The following GRID2 variants were observed in gnomAD, a reference collection of about 807,000 sequenced individuals.
GRID2 encodes the protein glutamate ionotropic receptor delta type subunit 2, also known as glutamate receptor ionotropic, delta-2.
A neutral mutation model predicts 114.8 loss-of-function variants in GRID2; 33 were observed. The observed-to-expected ratio is 0.29, with a 90% CI of 0.22 to 0.38. The LOEUF (loss-of-function observed/expected upper bound fraction) is 0.38. Among genes scored for constraint, GRID2 ranks in the 10% least tolerant of loss-of-function variants. The pLI, the probability that GRID2 is intolerant of heterozygous loss-of-function variation, is 1.00. For synonymous variants in GRID2, 505 were observed against 449.9 expected (o/e 1.12, Z -1.55); for missense variants, 1,184 against 1,257.7 (o/e 0.94, Z 0.89).
In GRID2 at chr4:93,526,019, G is replaced by T. The variant is rs529920320; in HGVS notation, c.2193+10608G>T. ...CATATATATTTTTTAAAAATTTTCT[G>T]TTGGGTAAATACCAAAAATTAAAAA... On this transcript the variant is annotated intron_variant, in intron 13 of 15. Coordinates refer to ENST00000282020, the MANE Select transcript of GRID2 (RefSeq NM_001510.4). 2.0e-4 allele frequency among the ~76,000 whole-genome samples: 31 copies of T among 152,220 alleles called. No homozygotes were observed. In the South Asian group the frequency reaches 6.4e-3, roughly 32 times the overall value.
At chr4:92,306,523 A>G (rs1349267114) in intron 1 of GRID2, among the ~76,000 whole-genome samples, 1 of 152,172 alleles carries the variant, frequency 6.6e-6, no homozygotes, top group Non-Finnish European at 1.5e-5. Context: ...TAATACCTTT[A>G]TATTCATTGT....
chr4:93,372,986 T>C (rs1370686318), intron 8 of GRID2, among the ~76,000 whole-genome samples: 1 of 152,148 alleles, frequency 6.6e-6, no homozygotes, highest in East Asian at 1.9e-4. Flanking sequence ...CAGTGAACCA[T>C]CATGTTCCTT....
At chr4:92,967,510 A>T (rs1231666710) in intron 2 of GRID2, among the ~76,000 whole-genome samples, 1 of 147,340 alleles carries the variant, frequency 6.8e-6, no homozygotes. Flanking sequence ...TTAAAAAAAT[A>T]TTTTTTACCA....
chr4:92,460,055 C>CATATGTATATAT (rs1343434703), intron 1 of GRID2, among the ~76,000 whole-genome samples: 1 of 37,450 alleles, frequency 2.7e-5, no homozygotes, highest in African/African-American at 8.7e-5. Flanking sequence ...TATATATATA[C>CATATGTATATAT]ACACACAACT....
At chr4:92,509,639 A>T (rs1724140806) in intron 1 of GRID2, among the ~76,000 whole-genome samples, 1 of 151,970 alleles carries the variant, frequency 6.6e-6, no homozygotes, top group African/African-American at 2.4e-5. Flanking sequence ...GAAAAAGGAC[A>T]TTGAGGTAGA....
At chr4:93,038,864 TTGG>T (rs747173941) in intron 2 of GRID2, among the ~76,000 whole-genome samples, 3 of 151,976 alleles carry the variant, frequency 2.0e-5, no homozygotes, top group Non-Finnish European at 4.4e-5. Flanking sequence ...TTTCACACTC[TTGG>T]TGGGAGTGTA....
At chr4:93,486,197 G>A (rs1212008102) in intron 11 of GRID2, among the ~76,000 whole-genome samples, 2 of 151,466 alleles carry the variant, frequency 1.3e-5, no homozygotes, top group Non-Finnish European at 3.0e-5. Context: ...TTTGAACACT[G>A]ATTCTGTAAC....
chr4:93,594,351 C>A (rs555986318), intron 13 of GRID2, among the ~76,000 whole-genome samples: 3,058 of 152,234 alleles, frequency 0.02, 94 homozygotes, highest in African/African-American at 0.069. Context: ...AGGGTGCCTC[C>A]CAGTTAGGCT....
intron 7 of GRID2, among the ~76,000 whole-genome samples, chr4:93,227,249 AT>A (rs901333225): frequency 2.2e-4 from 33 of 151,354 alleles, no homozygotes; most frequent in African/African-American, 7.1e-4. Flanking sequence ...TATATATATA[AT>A]TTTTTTTGAC....
intron 8 of GRID2, among the ~76,000 whole-genome samples, chr4:93,250,083 T>G (rs184404593): frequency 1.3e-5 from 2 of 152,230 alleles, no homozygotes; most frequent in East Asian, 3.9e-4. Flanking sequence ...TAGCAAAGAT[T>G]TGGAACTAGC....
chr4:92,424,228 T>C (rs1732042993), intron 1 of GRID2, among the ~76,000 whole-genome samples: 1 of 152,082 alleles, frequency 6.6e-6, no homozygotes, highest in Admixed American at 6.6e-5. Flanking sequence ...AACTAGGAGT[T>C]TGATAATTAT....
intron 1 of GRID2, among the ~76,000 whole-genome samples, chr4:93,804,100 C>T (rs781315475): frequency 1.3e-5 from 2 of 152,116 alleles, no homozygotes; most frequent in African/African-American, 4.8e-5. Flanking sequence ...TGTCATCTAC[C>T]ATGATGCCCC....
At chr4:92,866,821 G>A (rs1008050419) in intron 2 of GRID2, among the ~76,000 whole-genome samples, 1 of 152,088 alleles carries the variant, frequency 6.6e-6, no homozygotes, top group Non-Finnish European at 1.5e-5. Context: ...CAAGTGCGGG[G>A]ATTGTAGGCG....
At chr4:92,721,184 CAG>C (rs1735793029) in intron 2 of GRID2, among the ~76,000 whole-genome samples, 1 of 151,942 alleles carries the variant, frequency 6.6e-6, no homozygotes, top group African/African-American at 2.4e-5. Flanking sequence ...GTTCAATGGA[CAG>C]AGAATTTCAG....
chr4:93,289,588 G>A (rs889893963), intron 8 of GRID2, among the ~76,000 whole-genome samples: 1 of 152,126 alleles, frequency 6.6e-6, no homozygotes, highest in African/African-American at 2.4e-5. Context: ...AATAAAAATG[G>A]CTTTGTTTCT....
intron 2 of GRID2, among the ~76,000 whole-genome samples, chr4:92,923,798 G>A (rs527867651): frequency 9.9e-5 from 15 of 152,248 alleles, no homozygotes; most frequent in Non-Finnish European, 2.2e-4. Context: ...AAATTATTCA[G>A]TCCTCCTGTA....
chr4:93,216,072 G>C (rs1402838243), intron 5 of GRID2, among the ~76,000 whole-genome samples: 1 of 151,934 alleles, frequency 6.6e-6, no homozygotes, highest in Non-Finnish European at 1.5e-5. Flanking sequence ...TTTAGATAAA[G>C]AGCACTGGGT....
At chr4:93,452,592 A>G (rs1722790615) in intron 10 of GRID2, among the ~76,000 whole-genome samples, 1 of 152,120 alleles carries the variant, frequency 6.6e-6, no homozygotes, top group South Asian at 2.1e-4. Context: ...AGCCTTAGGA[A>G]AGGGGACAGC....
rs543114036 is a variant in GRID2 at position 93,318,465 on chromosome 4, A to C, written c.1246-77142A>C. On this transcript the variant is annotated intron_variant, in intron 8 of 15. Transcript: ENST00000282020. ...GTTAGTTTCTAACTTGCAAGCCACA[A>C]GATAAAGATTTAGGCTACTTAAAGC... is the stretch of plus-strand genomic sequence containing the variant. Among the ~76,000 whole-genome samples, 3 of 152,190 alleles carry C rather than the reference A, an allele frequency of 2.0e-5. No homozygotes were observed. In the South Asian group the frequency reaches 6.2e-4, roughly 32 times the overall value.
Sources: allele counts gnomAD v4.1 joint callset (sites outside exome capture counted in the v4.1 genomes callset), GRCh38; gene constraint gnomAD v4.1.1; transcripts MANE v1.5; gene names NCBI Gene and HGNC (gene_info 2026-07-23, HGNC 2026-07-21).